CACNA2D3: variants seen among roughly 807,000 people sequenced by gnomAD.
CACNA2D3 encodes calcium voltage-gated channel auxiliary subunit alpha2delta 3.
Under a neutral mutation model 160.6 loss-of-function variants are expected in CACNA2D3, and 60 were observed. That is an observed-to-expected ratio of 0.37 (90% CI 0.30 to 0.46). The LOEUF is 0.46. CACNA2D3 is among the 20% of genes least tolerant of loss of function. The pLI, the probability that CACNA2D3 is intolerant of heterozygous loss-of-function variation, is 1.00. For missense variants in CACNA2D3, 1,205 were observed against 1,365.0 expected, an observed-to-expected ratio of 0.88 and a Z score of 1.85; for synonymous variants, 558 against 492.9, an observed-to-expected ratio of 1.13 and a Z score of -1.75.
At chr3:54,843,797 A>G (rs1482624339) in intron 16 of CACNA2D3, among the ~76,000 whole-genome samples, 1 of 152,164 alleles carries the variant, frequency 6.6e-6, no homozygotes, top group Admixed American at 6.5e-5. Flanking sequence ...ACCTGGAGAA[A>G]AACATTAGTA....
At chr3:54,422,364 G>C (rs568923523) in intron 4 of CACNA2D3, among the ~76,000 whole-genome samples, 1 of 152,184 alleles carries the variant, frequency 6.6e-6, no homozygotes, top group East Asian at 1.9e-4. Context: ...TGCTAGGGAC[G>C]TTTGAAGAGC....
chr3:54,174,876 A>G (rs73085927), intron 2 of CACNA2D3, among the ~76,000 whole-genome samples: 5,632 of 152,218 alleles, frequency 0.037, 145 homozygotes, highest in South Asian at 0.09. Context: ...GAAGGAGGAG[A>G]TGGACATTTG....
chr3:54,421,545 T>G (rs1489084526), intron 4 of CACNA2D3, among the ~76,000 whole-genome samples: 2 of 152,156 alleles, frequency 1.3e-5, no homozygotes, highest in East Asian at 3.9e-4. Context: ...TGTCTGCGGA[T>G]GGGATTCTAT....
intron 5 of CACNA2D3, among the ~76,000 whole-genome samples, chr3:54,523,171 T>C (rs1389142363): frequency 6.6e-6 from 1 of 152,192 alleles, no homozygotes; most frequent in African/African-American, 2.4e-5. Context: ...GATGTTATTA[T>C]TACTATTTTG....
At chr3:54,621,832 A>T (rs1409625690) in intron 9 of CACNA2D3, among the ~76,000 whole-genome samples, 1 of 152,252 alleles carries the variant, frequency 6.6e-6, no homozygotes, top group Non-Finnish European at 1.5e-5. Context: ...GGAAGTGGGC[A>T]TAGAAAGCGT....
intron 2 of CACNA2D3, among the ~76,000 whole-genome samples, chr3:54,301,322 G>T (rs913317612): frequency 1.3e-5 from 2 of 151,720 alleles, no homozygotes; most frequent in Non-Finnish European, 2.9e-5. Context: ...AAAGAGGCCG[G>T]GGATGGCGGC....
At chr3:54,646,751 A>G (rs554493065) in intron 11 of CACNA2D3, among the ~76,000 whole-genome samples, 9 of 152,292 alleles carry the variant, frequency 5.9e-5, no homozygotes, top group Admixed American at 4.6e-4. Flanking sequence ...AGAATGATTT[A>G]TATTCCTTTG....
At position 54,862,789 on chromosome 3, in the gene CACNA2D3, G is replaced by A. The variant is rs1054705099; in HGVS notation, c.1627-8750G>A. On this transcript the variant is annotated intron_variant, in intron 17 of 37. Transcript: ENST00000474759. ...ACTCCCTCTTCCGTGGTGGTTAGCC[G>A]TGGCATCTTTCGAAAGTTAACATTT... Among the ~76,000 whole-genome samples, 7 of 152,252 alleles carry A rather than the reference G, an allele frequency of 4.6e-5. No homozygotes were observed. The South Asian group carries it at 8.3e-4, about 18-fold the overall frequency.
intron 9 of CACNA2D3, among the ~76,000 whole-genome samples, chr3:54,614,300 A>G (rs933268174): frequency 2.6e-5 from 4 of 152,200 alleles, no homozygotes; most frequent in Non-Finnish European, 5.9e-5. Flanking sequence ...AATTCTCACT[A>G]TGGTACTGGC....
chr3:54,613,197 G>A (rs1033324614), intron 9 of CACNA2D3, among the ~76,000 whole-genome samples: 2 of 152,206 alleles, frequency 1.3e-5, no homozygotes, highest in Non-Finnish European at 2.9e-5. Context: ...CATTTGCAAA[G>A]AGGTGTTTTG....
rs574397165 is a variant in CACNA2D3, at chr3:54,227,409, T to G, written c.205-93033T>G. 6.6e-5 allele frequency among the ~76,000 whole-genome samples: 10 copies of G among 152,282 alleles called. No homozygotes were observed. The South Asian group carries it at 1.9e-3, about 28-fold the overall frequency. ...TTCATTTGCCCATGAAGTTGTTTAC[T>G]TAGGGACAGAAAAAAAAATAACAAA... On this transcript the variant is annotated intron_variant, in intron 2 of 37. Coordinates refer to ENST00000474759, the MANE Select transcript of CACNA2D3 (RefSeq NM_018398.3).
chr3:54,510,256 G>A lies in CACNA2D3; in HGVS notation c.544+6602G>A, dbSNP rs111816776. On this transcript the variant is annotated intron_variant, in intron 5 of 37. Coordinates refer to ENST00000474759, the MANE Select transcript of CACNA2D3 (RefSeq NM_018398.3). The stretch of plus-strand genomic sequence containing the variant: ...TGGATGAATGGATGAATGGATGAAG[G>A]GTGGGTCGGTGAGTGGATGGATGGA... Among the ~76,000 whole-genome samples, 577 of 152,132 alleles carry A rather than the reference G, an allele frequency of 3.8e-3. 5 individuals carry two copies. Among genetic ancestry groups the A allele is most frequent in the African/African-American group, 0.013 (542 of 41,494 alleles).
At chr3:54,254,065 G>A (rs1347059943) in intron 2 of CACNA2D3, among the ~76,000 whole-genome samples, 1 of 152,056 alleles carries the variant, frequency 6.6e-6, no homozygotes, top group Admixed American at 6.6e-5. Context: ...GCGCCCGGCC[G>A]ATTTCCTGTG....
At chr3:54,472,958 C>T (rs889667284) in intron 4 of CACNA2D3, among the ~76,000 whole-genome samples, 1 of 152,130 alleles carries the variant, frequency 6.6e-6, no homozygotes, top group Non-Finnish European at 1.5e-5. Context: ...CCATAATGCC[C>T]AAAGTAATTT....
chr3:54,866,512 T>C (rs577053888), intron 17 of CACNA2D3, among the ~76,000 whole-genome samples: 1 of 152,288 alleles, frequency 6.6e-6, no homozygotes, highest in East Asian at 1.9e-4. Flanking sequence ...TTTCTTCCTC[T>C]CCCACCCCAT....
chr3:54,326,241 C>G (rs62256089), intron 3 of CACNA2D3, among the ~76,000 whole-genome samples: 8,973 of 152,244 alleles, frequency 0.059, 348 homozygotes, highest in East Asian at 0.17. Context: ...CATTTACCTT[C>G]TCAGAAAAAT....
chr3:54,646,587 T>A (rs1306086762), intron 11 of CACNA2D3, among the ~76,000 whole-genome samples: 1 of 152,142 alleles, frequency 6.6e-6, no homozygotes, highest in Non-Finnish European at 1.5e-5. Flanking sequence ...TTTTTCCTTT[T>A]TATGGCTGCA....
intron 3 of CACNA2D3, among the ~76,000 whole-genome samples, chr3:54,372,052 C>A (rs865999238): frequency 6.6e-6 from 1 of 152,130 alleles, no homozygotes; most frequent in African/African-American, 2.4e-5. Context: ...ATAATCCTGA[C>A]CTAGGGTAGC....
intron 10 of CACNA2D3, chr3:54,639,035 G>T (rs927343061): frequency 6.6e-6 from 1 of 152,162 alleles, no homozygotes; most frequent in Non-Finnish European, 1.5e-5. Context: ...CAGAAAAGCA[G>T]AGAAAGGGTT....
Sources: allele counts gnomAD v4.1 joint callset (sites outside exome capture counted in the v4.1 genomes callset), GRCh38; gene constraint gnomAD v4.1.1; transcripts MANE v1.5; gene names NCBI Gene and HGNC (gene_info 2026-07-23, HGNC 2026-07-21).